Variants in BRAF observed in about 807,000 individuals in gnomAD.
The protein encoded by BRAF is B-Raf proto-oncogene, serine/threonine kinase.
BRAF carries 16 observed loss-of-function variants against 104.6 expected under a neutral mutation model. The ratio of observed to expected loss-of-function variants is 0.15; its 90% CI spans 0.10 to 0.23. BRAF has a LOEUF of 0.23. Ranked by LOEUF, BRAF falls within the 10% of genes least tolerant of loss-of-function variation. The probability of loss-of-function intolerance (pLI) is 1.00; values close to 1 mark genes in which losing one functional copy is unlikely to be tolerated. For missense variants in BRAF, 541 were observed against 937.3 expected (o/e 0.58, Z 5.52); for synonymous variants, 310 against 341.6 (o/e 0.91, Z 1.02).
chr7:140,842,300 A>G lies in BRAF; in HGVS notation c.241-7428T>C, dbSNP rs182005683. On this transcript the variant is annotated intron_variant, in intron 2 of 19. Transcript: ENST00000644969. ...AATCCCTCTGTGCCTGAATTGCTTC[A>G]TTTATAAAATGAAAATGAGAATAGT... Among the ~76,000 whole-genome samples, 50 of 152,304 alleles carry G rather than the reference A, an allele frequency of 3.3e-4. No individual in the cohort carries two copies. The South Asian group carries it at 4.1e-3, about 13-fold the overall frequency.
At chr7:140,757,364 A>T (rs1273521838) in intron 14 of BRAF, among the ~76,000 whole-genome samples, 1 of 151,924 alleles carries the variant, frequency 6.6e-6, no homozygotes, top group Non-Finnish European at 1.5e-5. Flanking sequence ...ATATCGGCTC[A>T]CTGCAACCTC....
At chr7:140,756,725 C>T (rs1185645183) in intron 14 of BRAF, among the ~76,000 whole-genome samples, 4 of 152,148 alleles carry the variant, frequency 2.6e-5, no homozygotes, top group African/African-American at 7.2e-5. Flanking sequence ...GAGAGCATTA[C>T]AGTTTTACAG....
intron 16 of BRAF, among the ~76,000 whole-genome samples, chr7:140,751,961 A>T (rs982150546): frequency 1.1e-4 from 17 of 152,194 alleles, no homozygotes; most frequent in Non-Finnish European, 2.2e-4. Flanking sequence ...GTGTTTTTCA[A>T]ACTTTTTGGT....
At chr7:140,855,268 A>G (rs1809647172) in intron 1 of BRAF, among the ~76,000 whole-genome samples, 1 of 152,126 alleles carries the variant, frequency 6.6e-6, no homozygotes, top group African/African-American at 2.4e-5. Flanking sequence ...AAAACCTGTT[A>G]CCACAATCCT....
chr7:140,787,300 C>CAAAAAAA (rs1199383417), intron 9 of BRAF, among the ~76,000 whole-genome samples: 2 of 55,058 alleles, frequency 3.6e-5, no homozygotes, highest in African/African-American at 4.2e-5. Flanking sequence ...GACTCCGTCT[C>CAAAAAAA]AAAAAAAAAA....
chr7:140,915,390 A>G (rs1817506534), intron 1 of BRAF, among the ~76,000 whole-genome samples: 1 of 152,102 alleles, frequency 6.6e-6, no homozygotes, highest in Non-Finnish European at 1.5e-5. Flanking sequence ...AAGAAAAAAT[A>G]TAAAACAAAA....
chr7:140,903,039 C>G (rs769744287), intron 1 of BRAF, among the ~76,000 whole-genome samples: 3 of 151,612 alleles, frequency 2.0e-5, no homozygotes, highest in Non-Finnish European at 4.4e-5. Context: ...ATTCTCCTGC[C>G]TCAGCCTCCT....
At chr7:140,784,772 G>A (rs1415290340) in intron 10 of BRAF, among the ~76,000 whole-genome samples, 2 of 151,974 alleles carry the variant, frequency 1.3e-5, no homozygotes, top group African/African-American at 2.4e-5. Flanking sequence ...AGCCTCCCAA[G>A]TAGCTGGGAT....
In BRAF at chr7:140,831,183, C is replaced by G. The variant is rs558157944; in HGVS notation, c.504+3426G>C. Among the ~76,000 whole-genome samples, 449 of 152,264 alleles carry G rather than the reference C, an allele frequency of 2.9e-3. 3 individuals are homozygous for G. Among genetic ancestry groups the G allele is most frequent in the African/African-American group, 0.01 (427 of 41,556 alleles). On this transcript the variant is annotated intron_variant, in intron 3 of 19. Coordinates refer to ENST00000644969, the MANE Select transcript of BRAF (RefSeq NM_001374258.1). ...GGTGGAGAACCCAGTTGATTATCTA[C>G]AGAGAACTGGAGATTGCTTGGTGGG...
chr7:140,726,514 C>T lies in BRAF; in HGVS notation c.2404G>A (p.Glu802Lys). The change falls in exon 20 of 20, where the codon GAA becomes AAA. Residue 802 changes from glutamate to lysine, a missense_variant and splice_region_variant. This residue lies in a region of BRAF where 129 missense variants were observed against 285.8 expected (regional missense o/e 0.45). Transcript: ENST00000644969. ...GGTGGCTACTTGAAGGCTGCAAATT[C>T]TCCTGTAGAGGGAGGACAAGAGCTA... ...KTPIQAGGYG[E>K]FAAFK 6.5e-7 allele frequency: 1 copy of T among 1,536,172 alleles called. No individual in the cohort carries two copies. The highest frequency in any genetic ancestry group is 1.2e-5 in the South Asian group (1 of 84,054).
chr7:140,897,196 C>A (rs962010590), intron 1 of BRAF, among the ~76,000 whole-genome samples: 1 of 151,452 alleles, frequency 6.6e-6, no homozygotes, highest in African/African-American at 2.4e-5. Context: ...TTACCAAAAC[C>A]AAAGATATAA....
intron 8 of BRAF, among the ~76,000 whole-genome samples, chr7:140,790,126 T>A (rs1016220785): frequency 6.6e-6 from 1 of 152,168 alleles, no homozygotes; most frequent in African/African-American, 2.4e-5. Flanking sequence ...GAGATAGGCA[T>A]GTAGAAAAGC....
intron 3 of BRAF, among the ~76,000 whole-genome samples, chr7:140,811,582 T>C (rs1804269874): frequency 6.6e-6 from 1 of 152,190 alleles, no homozygotes; most frequent in South Asian, 2.1e-4. Flanking sequence ...TATTTATACC[T>C]AATAGATGTT....
intron 7 of BRAF, 37 bp downstream of exon 7, chr7:140,800,325 A>G (rs1802957172): frequency 3.1e-6 from 5 of 1,613,730 alleles, no homozygotes; most frequent in Non-Finnish European, 4.2e-6. Context: ...AAGCGGTTCA[A>G]GTAGCATGTC....
chr7:140,917,591 C>G (rs934062656), intron 1 of BRAF, among the ~76,000 whole-genome samples: 14 of 152,122 alleles, frequency 9.2e-5, no homozygotes, highest in African/African-American at 3.1e-4. Context: ...TGAAACTCCA[C>G]CTCTCTCTCC....
intron 2 of BRAF, among the ~76,000 whole-genome samples, chr7:140,842,588 A>G (rs1335221584): frequency 6.6e-6 from 1 of 152,220 alleles, no homozygotes; most frequent in Non-Finnish European, 1.5e-5. Flanking sequence ...CTAGCATTAT[A>G]TCTTACACAT....
chr7:140,817,683 T>C (rs1249145592), intron 3 of BRAF, among the ~76,000 whole-genome samples: 1 of 152,136 alleles, frequency 6.6e-6, no homozygotes, highest in Non-Finnish European at 1.5e-5. Flanking sequence ...GCCAAGAACA[T>C]ACACTGGGGA....
Position 140,721,368 on chromosome 7 carries a change from A to G in BRAF, c.*5126T>C. ...TGGGTTTCTGTCCTTTTCCACATTA[A>G]AAATACCTGATAGGAACTGTTAATT... On this transcript the variant is annotated 3_prime_UTR_variant, in exon 20 of 20. Transcript: ENST00000644969. The G allele has an allele frequency of 1.6e-6, 2 of 1,220,802 alleles. No homozygotes were observed. Among genetic ancestry groups the G allele is most frequent in the Non-Finnish European group, 2.0e-6 (2 of 981,312 alleles). 75.6% of individuals were successfully genotyped at this position (1,220,802 alleles called of 1,614,324 possible).
chr7:140,781,723 A>C, intron 11 of BRAF, 30 bp from the exon 11 acceptor site: 1 of 1,572,436 alleles, frequency 6.4e-7, no homozygotes, highest in Non-Finnish European at 8.8e-7. Context: ...AAGTCAAGTC[A>C]AGCCAAACAG....
Sources: gnomAD v4.1 joint callset for allele counts (sites outside exome capture counted in the v4.1 genomes callset) on GRCh38, gnomAD v4.1.1 for gene constraint, gnomAD v4.1.1 regional missense constraint, MANE v1.5 for transcripts, NCBI Gene and HGNC (gene_info 2026-07-23, HGNC 2026-07-21) for gene names.